Variants in MXRA8 observed in about 807,000 individuals in gnomAD.
The protein encoded by MXRA8 is matrix remodeling associated 8.
A neutral mutation model predicts 51.4 loss-of-function variants in MXRA8; 44 were observed. The ratio of observed to expected loss-of-function variants is 0.86; its 90% CI spans 0.67 to 1.10. The LOEUF (loss-of-function observed/expected upper bound fraction) is 1.10, where lower values mean the gene tolerates loss of function less well. MXRA8 is among the 50% of genes least tolerant of loss of function. The pLI, the probability that MXRA8 is intolerant of heterozygous loss-of-function variation, is 0.00. For missense variants in MXRA8, 765 were observed against 638.9 expected (o/e 1.20, Z -2.13); for synonymous variants, 369 against 293.5 (o/e 1.26, Z -2.63).
upstream of MXRA8, chr1:1,361,113 G>A (rs1644217154): frequency 2.9e-6 from 2 of 693,496 alleles, no homozygotes; most frequent in African/African-American, 3.5e-5. Context: ...AGACACGCAT[G>A]CATGCACATG....
upstream of MXRA8, chr1:1,359,394 A>G (rs1227818015): frequency 4.1e-6 from 4 of 985,356 alleles, no homozygotes; most frequent in Non-Finnish European, 4.8e-6. Flanking sequence ...CAAATGCGAA[A>G]TAACAGCCTG....
Position 1,355,612 on chromosome 1 carries a change from C to G in MXRA8, c.214G>C (p.Val72Leu). 3 of 1,468,746 alleles carry G rather than the reference C, an allele frequency of 2.0e-6. No individual in the cohort carries two copies. Among genetic ancestry groups the G allele is most frequent in the South Asian group, 1.3e-5 (1 of 77,058 alleles). The allele number at this position is 1,468,746 out of a possible 1,614,324, so 91.0% of individuals were successfully genotyped here. A position where few individuals can be genotyped will look rare whatever the true frequency, so the allele number is the denominator to read the frequency against. ...TQDRLHDRQR[V>L]LHWDLRGPGG... ...GGGCCGCGCAGGTCCCAGTGGAGCA[C>G]GCGCTGGCGGTCGTGCAGCCGGTCC... The change falls in exon 3 of 10, where the codon GTG (valine) becomes CTG (leucine). Residue 72 changes from valine to leucine, a missense_variant. By Grantham distance (32) the Val-to-Leu change is conservative. Coordinates refer to ENST00000309212, the MANE Select transcript of MXRA8 (RefSeq NM_032348.4).
Position 1,352,920 on chromosome 1 carries a change from T to C in MXRA8, c.*684A>G. On this transcript the variant is annotated 3_prime_UTR_variant, in exon 10 of 10. Transcript: ENST00000309212. ...ACAGGGAGCCCAGTGACTATCAAGG[T>C]GGCTGAGAGCAAGGCTAGGGTAGGG... 2.9e-6 allele frequency: 1 copy of C among 343,242 alleles called. No individual in the cohort carries two copies. The highest frequency in any genetic ancestry group is 2.9e-5 in the South Asian group (1 of 34,490). 21.3% of individuals were successfully genotyped at this position (343,242 alleles called of 1,614,324 possible).
At chr1:1,358,304 C>G (rs545286840) in intron 1 of MXRA8, 152 bp downstream of exon 1, 1 of 780,820 alleles carries the variant, frequency 1.3e-6, no homozygotes, top group Admixed American at 3.7e-5. Flanking sequence ...CTCTGGCAAG[C>G]GGCTCTCCCG....
chr1:1,360,207 C>T (rs933028553), upstream of MXRA8, among the ~76,000 whole-genome samples: 1 of 152,234 alleles, frequency 6.6e-6, no homozygotes, highest in Non-Finnish European at 1.5e-5. Context: ...TCCAGCCACA[C>T]TTTCGGGGAC....
chr1:1,359,804 C>T (rs1644197484), upstream of MXRA8, among the ~76,000 whole-genome samples: 1 of 152,238 alleles, frequency 6.6e-6, no homozygotes, highest in Non-Finnish European at 1.5e-5. Flanking sequence ...CAGGGCTGAA[C>T]ACATCCCGCC....
chr1:1,361,480 A>G (rs1644221730), upstream of MXRA8: 3 of 586,982 alleles, frequency 5.1e-6, no homozygotes, highest in Non-Finnish European at 6.1e-6. Context: ...GACGGACCCA[A>G]GGAAGCAACC....
chr1:1,353,103 G>GCA lies in MXRA8; in HGVS notation c.*499_*500dup, dbSNP rs1392497287. ...GTGGGGGAGCTCTCGGTGGCAGGCA[G>GCA]CACCCCAGGAGGAGTGGGACTCCTG... On this transcript the variant is annotated 3_prime_UTR_variant, in exon 10 of 10. Coordinates refer to ENST00000309212, the MANE Select transcript of MXRA8 (RefSeq NM_032348.4). 3 of 659,458 alleles carry GCA rather than the reference G, an allele frequency of 4.5e-6. No homozygotes were observed. The African/African-American group carries it at 5.6e-5, about 12-fold the overall frequency. The allele number at this position is 659,458 out of a possible 1,614,324, so 40.9% of individuals were successfully genotyped here. A position where few individuals can be genotyped will look rare whatever the true frequency, so the allele number is the denominator to read the frequency against.
Position 1,354,466 on chromosome 1 carries a change from G to A in MXRA8, c.993C>T (p.Val331=). Residue 331 remains valine (V), a synonymous_variant, in exon 6 of 10, where the codon GTC becomes GTT. Transcript: ENST00000309212. Reference sequence around the variant, plus strand: ...GGAAGAAGTGGGCTCGGCTCTCGGGGACGATGACATTGATGACGTTGTGGC... The same window carrying A: ...GGAAGAAGTGGGCTCGGCTCTCGGGAACGATGACATTGATGACGTTGTGGC... ...ARGHNVINVI[V]PESRAHFFQQ... 1.2e-6 allele frequency: 2 copies of A among 1,612,454 alleles called. No homozygotes were observed. The highest frequency in any genetic ancestry group is 1.1e-5 in the South Asian group (1 of 91,088).
rs947655201 is a variant in MXRA8, at chr1:1,353,140, C to G, written c.*464G>C. 2 of 837,338 alleles carry G rather than the reference C, an allele frequency of 2.4e-6. No individual in the cohort carries two copies. Among genetic ancestry groups the G allele is most frequent in the Non-Finnish European group, 3.9e-6 (2 of 510,240 alleles). The allele number at this position is 837,338 out of a possible 1,614,324, so 51.9% of individuals were successfully genotyped here. A position where few individuals can be genotyped will look rare whatever the true frequency, so the allele number is the denominator to read the frequency against. On this transcript the variant is annotated 3_prime_UTR_variant, in exon 10 of 10. Coordinates refer to ENST00000309212, the MANE Select transcript of MXRA8 (RefSeq NM_032348.4). ...GAGTGGGACTCCTGCCGAGGCTGACCCCAACTTCAAGGCTGCCAAGTTCTG... is the reference window on the plus strand; with the variant it reads ...GAGTGGGACTCCTGCCGAGGCTGACGCCAACTTCAAGGCTGCCAAGTTCTG...
chr1:1,361,019 C>A (rs931923999), upstream of MXRA8, among the ~76,000 whole-genome samples: 2 of 150,450 alleles, frequency 1.3e-5, no homozygotes, highest in African/African-American at 4.9e-5. Context: ...GACACAGACA[C>A]ATACACATGC....
At chr1:1,356,616 G>C (rs1436333835) in intron 2 of MXRA8, 65 bp downstream of exon 2, 38 of 1,202,996 alleles carry the variant, frequency 3.2e-5, no homozygotes, top group Non-Finnish European at 3.9e-5. Flanking sequence ...CCGGGGGCTG[G>C]GCCTGGCAAG....
At position 1,355,040 on chromosome 1, in the gene MXRA8, G is replaced by T; in HGVS notation, c.591C>A (p.His197Gln). The change falls in exon 5 of 10, where the codon CAC (histidine) becomes CAA (glutamine). Residue 197 changes from histidine (H) to glutamine (Q), a missense_variant. His to Gln is a conservative substitution (Grantham distance 24). Transcript: ENST00000309212. ...VNRGHVWTDR[H>Q]VEEAQQVVHW... ...GCACCACCTGTTGAGCCTCCTCCAC[G>T]TGCCGGTCGGTCCACACGTGCCCGC... is the stretch of plus-strand genomic sequence containing the variant. 1 of 1,608,008 alleles carries T rather than the reference G, an allele frequency of 6.2e-7. No homozygotes were observed. The highest frequency in any genetic ancestry group is 2.2e-5 in the East Asian group (1 of 44,682).
At chr1:1,359,567 C>G (rs1460158039), upstream of MXRA8, 17 of 985,250 alleles carry the variant, frequency 1.7e-5, no homozygotes, top group Non-Finnish European at 1.8e-5. Flanking sequence ...GGGGGCTCAC[C>G]CCTGAACCCT....
intron 7 of MXRA8, 22 bp downstream of exon 7, chr1:1,354,171 G>A: frequency 1.9e-6 from 3 of 1,612,770 alleles, no homozygotes; most frequent in Non-Finnish European, 2.5e-6. Flanking sequence ...GTCCCCAGGA[G>A]GGCCGGGAGG....
At chr1:1,360,907 C>T (rs549671293), upstream of MXRA8, among the ~76,000 whole-genome samples, 14 of 151,956 alleles carry the variant, frequency 9.2e-5, no homozygotes, top group Admixed American at 3.9e-4. Flanking sequence ...GAGATACACA[C>T]GCATGCACAC....
In MXRA8 at chr1:1,355,587, G is replaced by C; in HGVS notation, c.239C>G (p.Pro80Arg). The part of the protein sequence containing the change: ...QRVLHWDLRG[P>R]GGGPARRLLD... ...CAGGCGCCGCGCGGGGCCACCCCCG[G>C]GGCCGCGCAGGTCCCAGTGGAGCAC... Residue 80 changes from proline (P) to arginine (R), a missense_variant, in exon 3 of 10, where the codon CCC becomes CGC. Coordinates refer to ENST00000309212, the MANE Select transcript of MXRA8 (RefSeq NM_032348.4). The C allele has an allele frequency of 6.8e-7, 1 of 1,478,352 alleles. No homozygotes were observed. The allele number at this position is 1,478,352 out of a possible 1,614,324, so 91.6% of individuals were successfully genotyped here. A position where few individuals can be genotyped will look rare whatever the true frequency, so the allele number is the denominator to read the frequency against.
At position 1,354,418 on chromosome 1, in the gene MXRA8, G is replaced by A. The variant is rs1228163221; in HGVS notation, c.1041C>T (p.Ala347=). ...GTAGCAGGATGAAGAGCAGCAGCGT[G>A]GCCAGCACGTAGCCCAGCTGCTGGA... ...HFFQQLGYVL[A]TLLLFILLLV... is the part of the protein sequence containing the mutation. The change falls in exon 6 of 10, where the codon GCC becomes GCT. Residue 347 remains alanine, a synonymous_variant. Coordinates refer to ENST00000309212, the MANE Select transcript of MXRA8 (RefSeq NM_032348.4). 6 of 1,612,322 alleles carry A rather than the reference G, an allele frequency of 3.7e-6. No individual in the cohort carries two copies. In the African/African-American group the frequency reaches 4.0e-5, roughly 11 times the overall value.
intron 9 of MXRA8, 105 bp from the exon 10 acceptor site, chr1:1,353,734 C>T: frequency 1.4e-6 from 2 of 1,468,942 alleles, no homozygotes; most frequent in Non-Finnish European, 1.8e-6. Flanking sequence ...ATTTCTGAGC[C>T]TGAGGTGGCA....
Sources: allele counts gnomAD v4.1 joint callset (sites outside exome capture counted in the v4.1 genomes callset), GRCh38; gene constraint gnomAD v4.1.1; transcripts MANE v1.5; gene names NCBI Gene and HGNC (gene_info 2026-07-23, HGNC 2026-07-21).